Variants in INPP4B observed in about 807,000 individuals in gnomAD.
INPP4B encodes the protein inositol polyphosphate 4-phosphatase type II.
A neutral mutation model predicts 122.5 loss-of-function variants in INPP4B; 55 were observed. That is an observed-to-expected ratio of 0.45 (90% confidence interval 0.36 to 0.56). INPP4B has a LOEUF of 0.56. Among genes scored for constraint, INPP4B ranks in the 20% least tolerant of loss-of-function variants. The pLI, the probability that INPP4B is intolerant of heterozygous loss-of-function variation, is 0.00. For synonymous variants in INPP4B, 403 were observed against 388.7 expected, an observed-to-expected ratio of 1.04 and a Z score of -0.43; for missense variants, 1,000 against 1,097.7, an observed-to-expected ratio of 0.91 and a Z score of 1.26.
At chr4:142,230,353 A>G (rs1046412321) in intron 12 of INPP4B, among the ~76,000 whole-genome samples, 3 of 152,112 alleles carry the variant, frequency 2.0e-5, no homozygotes, top group African/African-American at 7.2e-5. Context: ...AGATGTAGAA[A>G]ATAAAAACAA....
chr4:142,156,177 T>G (rs1817094748), intron 17 of INPP4B, among the ~76,000 whole-genome samples: 1 of 151,860 alleles, frequency 6.6e-6, no homozygotes, highest in Non-Finnish European at 1.5e-5. Flanking sequence ...GTTTTTCTAG[T>G]TTTGCAGTTT....
rs1427322948 is a variant in INPP4B at position 142,431,065 on chromosome 4, C to T, written c.91+104G>A. ...GTAATTTCATGCCATTTATTAGAAC[C>T]GAAGTTCCTATGAATCTATGAATGC... On this transcript the variant is annotated intron_variant, in intron 4 of 25. Transcript: ENST00000262992. 12 of 788,356 alleles carry T rather than the reference C, an allele frequency of 1.5e-5. No individual in the cohort carries two copies. The East Asian group carries it at 2.3e-4, about 15-fold the overall frequency. 48.8% of individuals were successfully genotyped at this position (788,356 alleles called of 1,614,324 possible).
intron 19 of INPP4B, 44 bp downstream of exon 19, chr4:142,124,544 C>T: frequency 6.5e-7 from 1 of 1,539,496 alleles, no homozygotes; most frequent in Non-Finnish European, 9.0e-7. Flanking sequence ...AGGATGTTAA[C>T]AATCCGGCAT....
At chr4:142,265,419 C>G (rs1212855022) in intron 10 of INPP4B, among the ~76,000 whole-genome samples, 1 of 152,152 alleles carries the variant, frequency 6.6e-6, no homozygotes, top group Non-Finnish European at 1.5e-5. Flanking sequence ...TGTCTTAAAT[C>G]ACCGTTAGTA....
At chr4:142,725,955 T>G (rs1765299651) in intron 1 of INPP4B, 54 bp from the exon 2 acceptor site, 1 of 397,014 alleles carries the variant, frequency 2.5e-6, no homozygotes, top group Admixed American at 4.4e-5. Context: ...TTTTCCTCTT[T>G]AAATGCTTCT....
At chr4:142,254,076 C>T (rs994204696) in intron 11 of INPP4B, among the ~76,000 whole-genome samples, 2 of 152,128 alleles carry the variant, frequency 1.3e-5, no homozygotes, top group South Asian at 4.1e-4. Flanking sequence ...AACTGGGAGG[C>T]ACCCCCCAGC....
intron 1 of INPP4B, among the ~76,000 whole-genome samples, chr4:142,765,688 C>T (rs1053381915): frequency 2.0e-5 from 3 of 152,088 alleles, no homozygotes; most frequent in African/African-American, 7.2e-5. Flanking sequence ...AGGGAGATAT[C>T]GGTTAAACCA....
chr4:142,034,749 C>G (rs1314883571), intron 25 of INPP4B, among the ~76,000 whole-genome samples: 1 of 152,162 alleles, frequency 6.6e-6, no homozygotes, highest in African/African-American at 2.4e-5. Flanking sequence ...CAGGCACCTC[C>G]TCCTAGCCAC....
chr4:142,152,731 C>T (rs1248550115), intron 17 of INPP4B, among the ~76,000 whole-genome samples: 3 of 152,102 alleles, frequency 2.0e-5, no homozygotes, highest in Non-Finnish European at 4.4e-5. Context: ...GTAGCAGGGA[C>T]GACAAGGTGT....
intron 1 of INPP4B, among the ~76,000 whole-genome samples, chr4:142,845,025 C>G (rs1487053131): frequency 1.3e-5 from 2 of 152,122 alleles, no homozygotes; most frequent in African/African-American, 4.8e-5. Context: ...CCTCAAATAA[C>G]ATTCCAGAAA....
At chr4:142,266,592 T>C (rs890495122) in intron 10 of INPP4B, among the ~76,000 whole-genome samples, 2 of 152,094 alleles carry the variant, frequency 1.3e-5, no homozygotes, top group Admixed American at 1.3e-4. Context: ...AGAAAATAAG[T>C]CACAATGGGC....
At chr4:142,251,589 C>G (rs527475994) in intron 11 of INPP4B, among the ~76,000 whole-genome samples, 1 of 152,154 alleles carries the variant, frequency 6.6e-6, no homozygotes, top group Non-Finnish European at 1.5e-5. Context: ...AATATTATAT[C>G]TTTCATTAAA....
chr4:142,593,479 C>G (rs1308909248), intron 2 of INPP4B, among the ~76,000 whole-genome samples: 5 of 152,100 alleles, frequency 3.3e-5, no homozygotes, highest in Admixed American at 2.0e-4. Flanking sequence ...TAATGACTCT[C>G]TGGCCAATAT....
At chr4:142,223,962 G>A (rs867415705) in intron 12 of INPP4B, among the ~76,000 whole-genome samples, 15 of 152,278 alleles carry the variant, frequency 9.9e-5, no homozygotes, top group Middle Eastern at 3.4e-3. Flanking sequence ...ATTAAACAGA[G>A]TAGCTGCTCC....
Position 142,033,886 on chromosome 4 carries a change from C to T in INPP4B, c.2643-4972G>A, listed in dbSNP as rs149460010. Among the ~76,000 whole-genome samples the T allele has an allele frequency of 4.6e-3, 693 of 152,100 alleles. 13 individuals carry two copies. Among genetic ancestry groups the T allele is most frequent in the Admixed American group, 0.041 (619 of 15,270 alleles). ...TTCACCATGTTGCCCAGGCTTTTCT[C>T]GAACTCCTAGGCTCAAGCAATCCTC... is the stretch of plus-strand genomic sequence containing the variant. On this transcript the variant is annotated intron_variant, in intron 25 of 25. Transcript: ENST00000262992.
intron 1 of INPP4B, among the ~76,000 whole-genome samples, chr4:142,807,224 T>TAC (rs2151111036): frequency 6.6e-6 from 1 of 152,170 alleles, no homozygotes; most frequent in African/African-American, 2.4e-5. Flanking sequence ...ATGGGATATA[T>TAC]ATATAAGTAG....
At chr4:142,710,244 T>C (rs186658230) in intron 2 of INPP4B, among the ~76,000 whole-genome samples, 2 of 152,368 alleles carry the variant, frequency 1.3e-5, no homozygotes, top group African/African-American at 4.8e-5. Context: ...GTCTTAATGA[T>C]ACTAGAATAC....
intron 1 of INPP4B, among the ~76,000 whole-genome samples, chr4:142,817,595 C>G (rs745494998): frequency 2.6e-5 from 4 of 152,058 alleles, no homozygotes; most frequent in Admixed American, 6.6e-5. Context: ...CCACACAGGC[C>G]TCAGAAAAGA....
intron 25 of INPP4B, among the ~76,000 whole-genome samples, chr4:142,069,164 C>A (rs534086148): frequency 1.3e-5 from 2 of 152,268 alleles, no homozygotes; most frequent in East Asian, 3.9e-4. Flanking sequence ...AACTAGAACT[C>A]AGGATTAAGA....
Sources: gnomAD v4.1 joint callset for allele counts (sites outside exome capture counted in the v4.1 genomes callset) on GRCh38, gnomAD v4.1.1 for gene constraint, MANE v1.5 for transcripts, NCBI Gene and HGNC (gene_info 2026-07-23, HGNC 2026-07-21) for gene names.